The following NT5C3A variants were observed in gnomAD, a reference collection of about 807,000 sequenced individuals.
NT5C3A encodes the protein 5'-nucleotidase, cytosolic IIIA.
NT5C3A carries 23 observed loss-of-function variants against 40.0 expected under a neutral mutation model. The observed-to-expected ratio is 0.58, with a 90% CI of 0.41 to 0.81. The LOEUF is 0.81. Among genes scored for constraint, NT5C3A ranks in the 40% least tolerant of loss-of-function variants. NT5C3A has a pLI of 0.00. For synonymous variants in NT5C3A, 130 were observed against 141.4 expected (o/e 0.92, Z 0.57); for missense variants, 328 against 403.0 (o/e 0.81, Z 1.59).
At chr7:33,058,644 C>A (rs1289247150) in intron 1 of NT5C3A, among the ~76,000 whole-genome samples, 2 of 152,350 alleles carry the variant, frequency 1.3e-5, no homozygotes, top group East Asian at 3.9e-4. Flanking sequence ...AGCCGCCGCG[C>A]CTGGCCCAGA....
chr7:33,052,265 C>G (rs576261859), intron 1 of NT5C3A, among the ~76,000 whole-genome samples: 1 of 152,036 alleles, frequency 6.6e-6, no homozygotes, highest in Non-Finnish European at 1.5e-5. Context: ...AGGTGGATCA[C>G]CTGAGGTCAG....
intron 1 of NT5C3A, among the ~76,000 whole-genome samples, chr7:33,030,895 C>T (rs903568326): frequency 6.6e-6 from 1 of 151,456 alleles, no homozygotes. Context: ...GTCAGGAGAT[C>T]GAGACCATCC....
intron 1 of NT5C3A, among the ~76,000 whole-genome samples, chr7:33,050,434 T>C (rs939503866): frequency 6.6e-6 from 1 of 152,242 alleles, no homozygotes; most frequent in Non-Finnish European, 1.5e-5. Flanking sequence ...ATCTAGCAAC[T>C]TGTTCCCTTA....
chr7:33,049,033 T>C (rs1264475647), intron 1 of NT5C3A, among the ~76,000 whole-genome samples: 2 of 152,214 alleles, frequency 1.3e-5, no homozygotes, highest in Non-Finnish European at 2.9e-5. Context: ...AACTACTACG[T>C]GGTAAGCACT....
chr7:33,035,904 A>G (rs1460052580), intron 1 of NT5C3A: 1 of 1,568,988 alleles, frequency 6.4e-7, no homozygotes, highest in East Asian at 2.2e-5. Flanking sequence ...TACCATTAAT[A>G]AATGGAACTG....
Position 33,050,921 on chromosome 7 carries a change from C to T in NT5C3A, c.138+11647G>A, listed in dbSNP as rs192293073. Among the ~76,000 whole-genome samples, 7 of 152,202 alleles carry T rather than the reference C, an allele frequency of 4.6e-5. No individual in the cohort carries two copies. In the East Asian group the frequency reaches 1.4e-3, roughly 29 times the overall value. On this transcript the variant is annotated intron_variant, in intron 1 of 8. Coordinates refer to ENST00000610140, the MANE Select transcript of NT5C3A (RefSeq NM_001002010.5). Reference sequence around the variant, plus strand: ...CACAATGGCCAGAGAAGTCTGCCACCTGCTGATGGAAAAACTGAATTGTAT... The same window carrying T: ...CACAATGGCCAGAGAAGTCTGCCACTTGCTGATGGAAAAACTGAATTGTAT...
intron 1 of NT5C3A, among the ~76,000 whole-genome samples, chr7:33,045,563 G>A (rs896341867): frequency 3.3e-5 from 5 of 151,704 alleles, no homozygotes; most frequent in Non-Finnish European, 5.9e-5. Flanking sequence ...GAGTTCAAGC[G>A]ATTCTTCTGC....
At chr7:33,058,152 AAAG>A (rs1446318753) in intron 1 of NT5C3A, among the ~76,000 whole-genome samples, 25 of 152,298 alleles carry the variant, frequency 1.6e-4, no homozygotes, top group Admixed American at 1.2e-3. Context: ...AGAAATTAGA[AAAG>A]AAGTCGGTAT....
rs145777082 is a variant in NT5C3A, at chr7:33,026,003, T to C, written c.237+814A>G. Among the ~76,000 whole-genome samples, 1,195 of 152,266 alleles carry C rather than the reference T, an allele frequency of 7.8e-3. 11 individuals are homozygous for C. Among genetic ancestry groups the C allele is most frequent in the African/African-American group, 0.027 (1,108 of 41,544 alleles). ...GAGTTTGAGACCAGCCTGGCCAACA[T>C]GGCGAAACCCTGTCTCTACTAAAAA... is the stretch of plus-strand genomic sequence containing the variant. On this transcript the variant is annotated intron_variant, in intron 2 of 8. Coordinates refer to ENST00000610140, the MANE Select transcript of NT5C3A (RefSeq NM_001002010.5).
chr7:33,052,240 T>C (rs1310418209), intron 1 of NT5C3A, among the ~76,000 whole-genome samples: 1 of 151,474 alleles, frequency 6.6e-6, no homozygotes, highest in Non-Finnish European at 1.5e-5. Context: ...TCCAAGCACT[T>C]TGGGAGGCTG....
At chr7:33,017,356 T>C (rs959012847) in intron 7 of NT5C3A, 83 bp downstream of exon 7, 29 of 1,107,512 alleles carry the variant, frequency 2.6e-5, no homozygotes, top group Middle Eastern at 2.9e-4. Context: ...ATATAGGATA[T>C]ATATTAAGTA....
chr7:33,023,172 G>C (rs1330216078), intron 3 of NT5C3A, among the ~76,000 whole-genome samples: 1 of 151,806 alleles, frequency 6.6e-6, no homozygotes, highest in South Asian at 2.1e-4. Flanking sequence ...TCCACCTCCC[G>C]AAGTGCTGGG....
chr7:33,039,904 G>A (rs1185740081), intron 1 of NT5C3A, among the ~76,000 whole-genome samples: 1 of 152,106 alleles, frequency 6.6e-6, no homozygotes, highest in Non-Finnish European at 1.5e-5. Flanking sequence ...TACTGAGTCA[G>A]AATTTTGTGG....
At chr7:33,049,425 A>G (rs537069835) in intron 1 of NT5C3A, among the ~76,000 whole-genome samples, 4 of 152,066 alleles carry the variant, frequency 2.6e-5, no homozygotes, top group Non-Finnish European at 4.4e-5. Context: ...TTCAAAGACC[A>G]CCCCATTCCC....
At chr7:33,025,387 G>T (rs1015233464) in intron 2 of NT5C3A, among the ~76,000 whole-genome samples, 4 of 152,240 alleles carry the variant, frequency 2.6e-5, no homozygotes, top group African/African-American at 7.2e-5. Context: ...AATGCACATT[G>T]AAATAGCTGG....
chr7:33,046,132 CTAG>C (rs1396769340), intron 1 of NT5C3A: 1 of 152,200 alleles, frequency 6.6e-6, no homozygotes, highest in Non-Finnish European at 1.5e-5. Context: ...AAAACTTATC[CTAG>C]TAGATGACTG....
At chr7:33,056,753 C>T (rs1787588143) in intron 1 of NT5C3A, among the ~76,000 whole-genome samples, 1 of 152,098 alleles carries the variant, frequency 6.6e-6, no homozygotes, top group African/African-American at 2.4e-5. Flanking sequence ...TTTTTTAAAA[C>T]ACAGACTCAA....
At chr7:33,044,675 A>C (rs1787076980) in intron 1 of NT5C3A, among the ~76,000 whole-genome samples, 1 of 152,214 alleles carries the variant, frequency 6.6e-6, no homozygotes, top group African/African-American at 2.4e-5. Context: ...TGTCTTTATC[A>C]ATGGAAAAAG....
At chr7:33,055,646 G>T (rs1341572099) in intron 1 of NT5C3A, among the ~76,000 whole-genome samples, 4 of 152,172 alleles carry the variant, frequency 2.6e-5, no homozygotes, top group African/African-American at 9.7e-5. Flanking sequence ...CGACCATGAA[G>T]AAAAGACAAG....
Sources: allele counts gnomAD v4.1 joint callset (sites outside exome capture counted in the v4.1 genomes callset), GRCh38; gene constraint gnomAD v4.1.1; transcripts MANE v1.5; gene names NCBI Gene and HGNC (gene_info 2026-07-23, HGNC 2026-07-21).